The following ZC4H2 variants were observed in gnomAD, a reference collection of about 807,000 sequenced individuals.
ZC4H2 encodes zinc finger C4H2 domain-containing protein.
For missense variants in ZC4H2, 137 were observed against 173.9 expected, an observed-to-expected ratio of 0.79 and a Z score of 1.19; for synonymous variants, 84 against 66.3, an observed-to-expected ratio of 1.27 and a Z score of -1.30.
chrX:65,022,753 G>A (rs978697196), intron 1 of ZC4H2, among the ~76,000 whole-genome samples: 6 of 111,738 alleles, frequency 5.4e-5, no homozygotes, highest in African/African-American at 2.0e-4. Context: ...TGTGAAGGAC[G>A]TCTTCAAGGA....
chrX:64,921,686 T>G (rs182113714), intron 2 of ZC4H2, 131 bp downstream of exon 2: 3 of 700,216 alleles, frequency 4.3e-6, no homozygotes, highest in Non-Finnish European at 6.2e-6. Context: ...TGAATTCTTC[T>G]GCTCTACCAC....
intron 1 of ZC4H2, among the ~76,000 whole-genome samples, chrX:64,989,601 T>A (rs35951487): frequency 6.4e-4 from 72 of 112,291 alleles, no homozygotes; most frequent in African/African-American, 2.0e-3. Flanking sequence ...AGACAAGGTA[T>A]ACACTAGGAG....
intron 1 of ZC4H2, among the ~76,000 whole-genome samples, chrX:65,013,152 C>G (rs1002533713): frequency 9.0e-5 from 10 of 111,660 alleles, no homozygotes; most frequent in African/African-American, 3.3e-4. Flanking sequence ...GCTCAAATCC[C>G]TGCAGCAAGT....
intron 1 of ZC4H2, among the ~76,000 whole-genome samples, chrX:65,019,393 A>G (rs1356824938): frequency 8.9e-6 from 1 of 112,388 alleles, no homozygotes; most frequent in Non-Finnish European, 1.9e-5. Flanking sequence ...CCAGGAAAAC[A>G]GGGTCTGGAG....
intron 1 of ZC4H2, among the ~76,000 whole-genome samples, chrX:64,998,958 T>A (rs770330264): frequency 2.2e-4 from 24 of 109,348 alleles, no homozygotes; most frequent in African/African-American, 8.0e-4. Context: ...AATATGAATA[T>A]TATTCCATCC....
In ZC4H2 at chrX:64,917,687, T is replaced by C. The variant is rs1205837030; in HGVS notation, c.*96A>G. The C allele has an allele frequency of 1.8e-6, 2 of 1,115,642 alleles. No individual in the cohort carries two copies. The highest frequency in any genetic ancestry group is 3.7e-5 in the African/African-American group (2 of 54,314). 91.9% of individuals were successfully genotyped at this position (1,115,642 alleles called of 1,213,427 possible). On this transcript the variant is annotated 3_prime_UTR_variant, in exon 5 of 5. Transcript: ENST00000374839. ...CCATCACATTAAATAGGAGACTTCGTGGGGTTGGGCAAGGGTTGTTTCACA... is the reference window on the plus strand; with the variant it reads ...CCATCACATTAAATAGGAGACTTCGCGGGGTTGGGCAAGGGTTGTTTCACA...
chrX:65,019,323 G>A (rs1384724774), intron 1 of ZC4H2, among the ~76,000 whole-genome samples: 5 of 112,108 alleles, frequency 4.5e-5, no homozygotes, highest in Non-Finnish European at 9.4e-5. Context: ...CTGGGACAAA[G>A]CTTCGAGAGG....
rs894440518 is a variant in ZC4H2, at chrX:64,928,554, C to T, written c.54-6566G>A. Among the ~76,000 whole-genome samples, 9 of 110,889 alleles carry T rather than the reference C, an allele frequency of 8.1e-5. No individual in the cohort carries two copies. In the South Asian group the frequency reaches 1.9e-3, roughly 24 times the overall value. On this transcript the variant is annotated intron_variant, in intron 1 of 4. Coordinates refer to ENST00000374839, the MANE Select transcript of ZC4H2 (RefSeq NM_018684.4). Reference sequence around the variant, plus strand: ...TGTAGTATAGTATAGTGATGTTAAGCGGGTTTTTCATATGATTATTAGCCA... The same window carrying T: ...TGTAGTATAGTATAGTGATGTTAAGTGGGTTTTTCATATGATTATTAGCCA...
chrX:65,010,540 G>A (rs776136442), intron 1 of ZC4H2, among the ~76,000 whole-genome samples: 2 of 111,060 alleles, frequency 1.8e-5, no homozygotes, highest in African/African-American at 3.3e-5. Flanking sequence ...CACTCCTATT[G>A]AAGCTATCCC....
intron 1 of ZC4H2, among the ~76,000 whole-genome samples, chrX:64,994,170 G>A (rs1932364091): frequency 8.9e-6 from 1 of 112,032 alleles, no homozygotes; most frequent in South Asian, 3.7e-4. Context: ...GATTAGTATA[G>A]CCTAGGCACT....
intron 1 of ZC4H2, among the ~76,000 whole-genome samples, chrX:64,973,222 T>C (rs1287457614): frequency 1.8e-5 from 2 of 111,094 alleles, no homozygotes; most frequent in Non-Finnish European, 3.8e-5. Context: ...TCCGTAATTT[T>C]AGTTTCTCCA....
At chrX:64,930,896 C>G (rs1310523061) in intron 1 of ZC4H2, among the ~76,000 whole-genome samples, 1 of 111,803 alleles carries the variant, frequency 8.9e-6, no homozygotes, top group African/African-American at 3.2e-5. Flanking sequence ...ATGAGGATTT[C>G]TTCTTTTACT....
chrX:64,995,074 A>G (rs1038897386), intron 1 of ZC4H2, among the ~76,000 whole-genome samples: 1 of 109,101 alleles, frequency 9.2e-6, no homozygotes, highest in Middle Eastern at 4.6e-3. Flanking sequence ...ATTCATGGGG[A>G]AAAAAGCAAA....
intron 1 of ZC4H2, among the ~76,000 whole-genome samples, chrX:64,923,553 A>G (rs186935600): frequency 9.1e-6 from 1 of 110,410 alleles, no homozygotes; most frequent in Non-Finnish European, 1.9e-5. Flanking sequence ...TTTTCTTGAC[A>G]TTGCCTGTGC....
At chrX:64,929,421 T>A (rs1405113596) in intron 1 of ZC4H2, among the ~76,000 whole-genome samples, 1 of 112,090 alleles carries the variant, frequency 8.9e-6, no homozygotes, top group African/African-American at 3.2e-5. Flanking sequence ...TTTTGGAGTC[T>A]TAGTCATGAA....
At chrX:64,977,768 C>T (rs1931992519), upstream of ZC4H2, among the ~76,000 whole-genome samples, 1 of 112,158 alleles carries the variant, frequency 8.9e-6, no homozygotes, top group African/African-American at 3.2e-5. Flanking sequence ...CCCAAAAGTG[C>T]TGGGATTACA....
At chrX:65,032,788 T>TC (rs1932951688) in intron 1 of ZC4H2, among the ~76,000 whole-genome samples, 2 of 107,361 alleles carry the variant, frequency 1.9e-5, no homozygotes, top group East Asian at 2.9e-4. Context: ...CTTCTTTCTT[T>TC]TTTTTGGGGG....
At chrX:64,945,638 G>A (rs1487652875) in intron 1 of ZC4H2, among the ~76,000 whole-genome samples, 10 of 111,725 alleles carry the variant, frequency 9.0e-5, no homozygotes, top group Non-Finnish European at 1.7e-4. Flanking sequence ...TCTCTTCAGA[G>A]CTGGCAGGCA....
At chrX:64,964,528 C>T (rs189475929) in intron 1 of ZC4H2, among the ~76,000 whole-genome samples, 89 of 111,418 alleles carry the variant, frequency 8.0e-4, no homozygotes, top group African/African-American at 2.6e-3. Context: ...TTTTAAAGTA[C>T]GGACGAAATC....
Sources: allele counts gnomAD v4.1 joint callset (sites outside exome capture counted in the v4.1 genomes callset), GRCh38; gene constraint gnomAD v4.1.1; transcripts MANE v1.5; gene names NCBI Gene and HGNC (gene_info 2026-07-23, HGNC 2026-07-21).